ST6GAL1: variants seen among roughly 807,000 people sequenced by gnomAD.
ST6GAL1 encodes beta-galactoside alpha-2,6-sialyltransferase 1.
In ST6GAL1, 20 loss-of-function variants were observed where a neutral mutation model predicts 38.0. The ratio of observed to expected loss-of-function variants is 0.53; its 90% CI spans 0.37 to 0.77. ST6GAL1 has a LOEUF of 0.77. ST6GAL1 is among the 30% of genes least tolerant of loss of function. The pLI is 0.00. For missense variants in ST6GAL1, 432 were observed against 496.4 expected (o/e 0.87, Z 1.23); for synonymous variants, 196 against 188.2 (o/e 1.04, Z -0.34).
At chr3:186,989,105 C>A (rs7635748) in intron 2 of ST6GAL1, among the ~76,000 whole-genome samples, 23,546 of 152,080 alleles carry the variant, frequency 0.15, 2,582 homozygotes, top group East Asian at 0.44. Flanking sequence ...TGGAACTGAG[C>A]TTATTGTCAT....
At chr3:187,073,538 C>T (rs889854860) in intron 6 of ST6GAL1, 4 of 159,256 alleles carry the variant, frequency 2.5e-5, no homozygotes, top group African/African-American at 9.6e-5. Flanking sequence ...GGATTCTAAC[C>T]TCTCTGGAAT....
chr3:186,943,886 C>T (rs1299159516), intron 1 of ST6GAL1, among the ~76,000 whole-genome samples: 1 of 152,262 alleles, frequency 6.6e-6, no homozygotes, highest in Non-Finnish European at 1.5e-5. Context: ...TCTCAGCCTC[C>T]ACTTCAGTGC....
intron 1 of ST6GAL1, among the ~76,000 whole-genome samples, chr3:186,937,217 TC>T (rs1238915928): frequency 1.3e-5 from 2 of 152,184 alleles, no homozygotes; most frequent in Non-Finnish European, 2.9e-5. Context: ...CTGTATTCTT[TC>T]ATTCGTCACC....
chr3:186,979,262 C>G (rs1008349039), intron 2 of ST6GAL1, among the ~76,000 whole-genome samples: 4 of 152,078 alleles, frequency 2.6e-5, no homozygotes, highest in African/African-American at 9.7e-5. Context: ...ACCCTGAGGC[C>G]TAGCGTTATT....
chr3:187,021,305 A>T (rs1347932934), intron 2 of ST6GAL1, among the ~76,000 whole-genome samples: 1 of 152,146 alleles, frequency 6.6e-6, no homozygotes, highest in Non-Finnish European at 1.5e-5. Context: ...ATAGCCCCAT[A>T]GCCCTTGCTA....
intron 2 of ST6GAL1, among the ~76,000 whole-genome samples, chr3:186,999,226 AACACCACT>A (rs981139955): frequency 2.5e-4 from 38 of 152,300 alleles, no homozygotes; most frequent in African/African-American, 8.2e-4. Flanking sequence ...TGGGACCATT[AACACCACT>A]CGCCTCGTAG....
At chr3:186,986,314 C>T (rs1467881986) in intron 2 of ST6GAL1, 1 of 152,276 alleles carries the variant, frequency 6.6e-6, no homozygotes, top group Middle Eastern at 3.4e-3. Flanking sequence ...CAAAGAGTCG[C>T]TACTCAGTCC....
intron 1 of ST6GAL1, among the ~76,000 whole-genome samples, chr3:186,934,292 T>A (rs1043572196): frequency 1.3e-5 from 2 of 152,100 alleles, no homozygotes; most frequent in African/African-American, 4.8e-5. Flanking sequence ...ATCACAGCAC[T>A]TCAGGAGGCC....
intron 1 of ST6GAL1, among the ~76,000 whole-genome samples, chr3:186,958,560 G>A (rs556172783): frequency 1.1e-3 from 174 of 152,156 alleles, no homozygotes; most frequent in African/African-American, 4.0e-3. Context: ...CAGAATTAGG[G>A]ATATGGAGGG....
chr3:186,966,331 T>G (rs1715114948), intron 2 of ST6GAL1, among the ~76,000 whole-genome samples: 2 of 152,250 alleles, frequency 1.3e-5, no homozygotes, highest in African/African-American at 4.8e-5. Flanking sequence ...TCTTATTTAA[T>G]TCTGCAATGA....
intron 2 of ST6GAL1, among the ~76,000 whole-genome samples, chr3:186,994,244 G>A (rs1716286163): frequency 6.6e-6 from 1 of 152,242 alleles, no homozygotes; most frequent in African/African-American, 2.4e-5. Context: ...GCCCACAAGT[G>A]CAGGTGGGGA....
intron 2 of ST6GAL1, among the ~76,000 whole-genome samples, chr3:186,992,347 T>C (rs796229129): frequency 3.3e-5 from 5 of 152,282 alleles, no homozygotes; most frequent in African/African-American, 1.2e-4. Context: ...CCTTGCACCA[T>C]GATTGTAAGT....
intron 2 of ST6GAL1, among the ~76,000 whole-genome samples, chr3:187,017,497 A>G (rs892047910): frequency 6.6e-6 from 1 of 151,806 alleles, no homozygotes. Context: ...AGGGCAGGGG[A>G]GGGTTACACC....
chr3:186,937,016 G>C (rs1420566119), intron 1 of ST6GAL1, among the ~76,000 whole-genome samples: 2 of 147,194 alleles, frequency 1.4e-5, no homozygotes, highest in Non-Finnish European at 3.0e-5. Context: ...AAAAAACATA[G>C]AGAAACAGAA....
chr3:187,023,590 A>G (rs148938775), intron 2 of ST6GAL1, among the ~76,000 whole-genome samples: 10,234 of 152,284 alleles, frequency 0.067, 374 homozygotes, highest in Middle Eastern at 0.13. Context: ...TTGTAGGGAC[A>G]TGGATGAAGC....
intron 2 of ST6GAL1, among the ~76,000 whole-genome samples, chr3:186,972,545 C>T (rs553888424): frequency 6.6e-5 from 10 of 152,150 alleles, no homozygotes; most frequent in East Asian, 3.9e-4. Context: ...CCACCATGCC[C>T]GGCCACTGCT....
intron 5 of ST6GAL1, among the ~76,000 whole-genome samples, chr3:187,055,449 A>G (rs1718665674): frequency 6.6e-6 from 1 of 152,180 alleles, no homozygotes; most frequent in Non-Finnish European, 1.5e-5. Context: ...ATTTAGTGCT[A>G]TAAATTTCCC....
chr3:186,977,201 A>G (rs1210330165), intron 2 of ST6GAL1, among the ~76,000 whole-genome samples: 1 of 152,076 alleles, frequency 6.6e-6, no homozygotes, highest in Non-Finnish European at 1.5e-5. Flanking sequence ...CCTAGGCGAG[A>G]TAGTTTATTC....
intron 1 of ST6GAL1, among the ~76,000 whole-genome samples, chr3:186,940,783 GTT>G (rs35452443): frequency 0.01 from 1,330 of 129,288 alleles, 17 homozygotes; most frequent in African/African-American, 0.033. Context: ...CCATGTCAGT[GTT>G]TTTTTTTTTT....
Sources: gnomAD v4.1 joint callset for allele counts (sites outside exome capture counted in the v4.1 genomes callset) on GRCh38, gnomAD v4.1.1 for gene constraint, MANE v1.5 for transcripts, NCBI Gene and HGNC (gene_info 2026-07-23, HGNC 2026-07-21) for gene names.